The following TTC3 variants were observed in gnomAD, a reference collection of about 807,000 sequenced individuals.
TTC3 encodes the protein E3 ubiquitin-protein ligase TTC3.
TTC3 carries 180 observed loss-of-function variants against 249.6 expected under a neutral mutation model. The ratio of observed to expected loss-of-function variants is 0.72; its 90% CI spans 0.64 to 0.82. The LOEUF (loss-of-function observed/expected upper bound fraction) is 0.82. Ranked by LOEUF, TTC3 falls within the 40% of genes least tolerant of loss-of-function variation. TTC3 has a pLI of 0.00. For synonymous variants in TTC3, 717 were observed against 805.0 expected (o/e 0.89, Z 1.85); for missense variants, 2,061 against 2,398.4 (o/e 0.86, Z 2.94).
Position 37,150,161 on chromosome 21 carries a change from T to TA in TTC3, c.2205dup (p.Cys736MetfsTer2). 1 of 1,612,596 alleles carries TA rather than the reference T, an allele frequency of 6.2e-7. No individual in the cohort carries two copies. The highest frequency in any genetic ancestry group is 8.5e-7 in the Non-Finnish European group (1 of 1,178,844). On this transcript the variant is annotated frameshift_variant, in exon 24 of 46. Transcript: ENST00000355666. LOFTEE classifies it high-confidence loss of function. ...TCATCTTCAGCAGTGGTGGTGAAGT[T>TA]AAATGTGAAGTAAGTAATAAAGGGG...
chr21:37,087,682 G>A (rs2072688268), intron 2 of TTC3, 151 bp from the exon 3 acceptor site: 1 of 743,276 alleles, frequency 1.3e-6, no homozygotes, highest in Non-Finnish European at 2.2e-6. Context: ...CTGTAAAACG[G>A]GTCTCAAATT....
intron 1 of TTC3, among the ~76,000 whole-genome samples, chr21:37,080,116 A>T (rs1385086113): frequency 6.6e-6 from 1 of 152,066 alleles, no homozygotes; most frequent in East Asian, 1.9e-4. Context: ...ATTTTCAACC[A>T]TTCCGATTTC....
chr21:37,135,553 TG>T (rs2077856595), intron 18 of TTC3, 39 bp downstream of exon 18: 1 of 1,598,858 alleles, frequency 6.3e-7, no homozygotes, highest in Admixed American at 1.7e-5. Flanking sequence ...TCAATGCTAA[TG>T]CACCTCAGAT....
chr21:37,167,952 C>T (rs1401022222), intron 34 of TTC3, among the ~76,000 whole-genome samples: 2 of 151,796 alleles, frequency 1.3e-5, no homozygotes, highest in Non-Finnish European at 2.9e-5. Flanking sequence ...ATTGTTTTAA[C>T]TGGTATAATG....
chr21:37,165,431 G>A (rs1381209707), intron 32 of TTC3, 119 bp from the exon 33 acceptor site: 2 of 737,080 alleles, frequency 2.7e-6, no homozygotes, highest in Non-Finnish European at 4.5e-6. Flanking sequence ...GTTGAGGAAA[G>A]GTTGAGATCA....
At chr21:37,116,826 T>A (rs2076181929) in intron 11 of TTC3, among the ~76,000 whole-genome samples, 1 of 151,790 alleles carries the variant, frequency 6.6e-6, no homozygotes, top group South Asian at 2.1e-4. Context: ...AAAATAAAAA[T>A]AAATAAATTT....
chr21:37,084,611 A>G (rs2072158043), intron 1 of TTC3, among the ~76,000 whole-genome samples: 2 of 152,212 alleles, frequency 1.3e-5, no homozygotes, highest in African/African-American at 2.4e-5. Flanking sequence ...CACACACCCA[A>G]GGAAACAAGA....
intron 10 of TTC3, among the ~76,000 whole-genome samples, chr21:37,104,588 CAAAAAAA>C (rs141618903): frequency 4.8e-5 from 5 of 104,304 alleles, no homozygotes; most frequent in South Asian, 6.7e-4. Context: ...AACTCCGTCT[CAAAAAAA>C]AAAAAAAAAA....
At chr21:37,094,431 G>A (rs777501215) in intron 8 of TTC3, among the ~76,000 whole-genome samples, 22 of 152,268 alleles carry the variant, frequency 1.4e-4, no homozygotes, top group Non-Finnish European at 2.9e-4. Flanking sequence ...ATTTAATGTT[G>A]TATTGAATTC....
intron 12 of TTC3, among the ~76,000 whole-genome samples, chr21:37,122,696 T>C (rs1432088150): frequency 6.6e-6 from 1 of 152,068 alleles, no homozygotes; most frequent in Non-Finnish European, 1.5e-5. Flanking sequence ...TGTAATAAGA[T>C]GGTGAGCTCC....
At chr21:37,200,157 C>T (rs1008235828) in intron 44 of TTC3, 75 bp from the exon 45 acceptor site, 24 of 1,385,064 alleles carry the variant, frequency 1.7e-5, no homozygotes, top group Admixed American at 8.6e-5. Flanking sequence ...GTTTGAAGGC[C>T]ACTTGAAGGA....
rs190527666 is a variant in TTC3 at position 37,187,177 on chromosome 21, C to A, written c.4923+32C>A. ...CCATGACACTTAGTGACCACTATGG[C>A]ATTTGTCATTTGTTTTTGTGTTTCT... On this transcript the variant is annotated intron_variant, in intron 38 of 45. Transcript: ENST00000355666. The A allele has an allele frequency of 1.0e-4, 145 of 1,452,278 alleles. 1 individual carries two copies. The African/African-American group carries it at 2.0e-3, about 20-fold the overall frequency. The allele number at this position is 1,452,278 out of a possible 1,614,324, so 90.0% of individuals were successfully genotyped here. A position where few individuals can be genotyped will look rare whatever the true frequency, so the allele number is the denominator to read the frequency against.
intron 34 of TTC3, among the ~76,000 whole-genome samples, chr21:37,168,868 G>C (rs2081474797): frequency 6.6e-6 from 1 of 152,146 alleles, no homozygotes; most frequent in South Asian, 2.1e-4. Context: ...CCAGGGCTTG[G>C]TCATCTGCGG....
intron 44 of TTC3, among the ~76,000 whole-genome samples, chr21:37,198,441 A>G (rs1029235618): frequency 2.6e-5 from 4 of 152,206 alleles, no homozygotes; most frequent in Admixed American, 6.5e-5. Flanking sequence ...AGATGTGTCA[A>G]TGTGTCGTGT....
intron 1 of TTC3, chr21:37,081,583 A>G (rs999386374): frequency 6.6e-6 from 1 of 152,148 alleles, no homozygotes. Context: ...GAGATCTAGA[A>G]GTTTCTGAGC....
At chr21:37,087,511 G>T in intron 2 of TTC3, 110 bp downstream of exon 2, 5 of 1,321,876 alleles carry the variant, frequency 3.8e-6, no homozygotes, top group Non-Finnish European at 5.2e-6. Context: ...TGACAGGGAG[G>T]TACACATGCT....
At chr21:37,185,650 G>T in intron 36 of TTC3, 56 bp from the exon 37 acceptor site, 1 of 993,098 alleles carries the variant, frequency 1.0e-6, no homozygotes, top group Non-Finnish European at 1.5e-6. Flanking sequence ...ACTGTGTGGG[G>T]GTCCTGTTAA....
intron 1 of TTC3, among the ~76,000 whole-genome samples, chr21:37,075,371 CTTTGT>C (rs2070702875): frequency 6.6e-6 from 1 of 152,142 alleles, no homozygotes; most frequent in Non-Finnish European, 1.5e-5. Flanking sequence ...CAATAAATAT[CTTTGT>C]ACTTGTCTGC....
intron 18 of TTC3, among the ~76,000 whole-genome samples, chr21:37,136,736 G>T (rs1032733759): frequency 2.6e-5 from 4 of 152,210 alleles, no homozygotes; most frequent in African/African-American, 9.6e-5. Context: ...AGGTGGCTAC[G>T]CTAAACAACA....
Sources: allele counts gnomAD v4.1 joint callset (sites outside exome capture counted in the v4.1 genomes callset), GRCh38; gene constraint gnomAD v4.1.1; transcripts MANE v1.5; gene names NCBI Gene and HGNC (gene_info 2026-07-23, HGNC 2026-07-21).